Variants in TRPM3 observed in about 807,000 individuals in gnomAD.
TRPM3 encodes the protein long transient receptor potential channel 3.
In TRPM3, 77 loss-of-function variants were observed where a neutral mutation model predicts 181.2. The ratio of observed to expected loss-of-function variants is 0.42; its 90% CI spans 0.35 to 0.51. TRPM3 has a LOEUF of 0.51. Among genes scored for constraint, TRPM3 ranks in the 20% least tolerant of loss-of-function variants. The probability of loss-of-function intolerance (pLI) is 0.01; values close to 1 mark genes in which losing one functional copy is unlikely to be tolerated. For missense variants in TRPM3, 1,759 were observed against 2,196.7 expected (o/e 0.80, Z 3.98); for synonymous variants, 745 against 796.4 (o/e 0.94, Z 1.09).
At chr9:70,877,408 T>G (rs1326956287) in intron 1 of TRPM3, among the ~76,000 whole-genome samples, 1 of 152,062 alleles carries the variant, frequency 6.6e-6, no homozygotes, top group Non-Finnish European at 1.5e-5. Context: ...ACACAAATAT[T>G]CATAACCTGG....
chr9:70,887,383 T>C (rs1457845206), intron 1 of TRPM3, among the ~76,000 whole-genome samples: 1 of 152,178 alleles, frequency 6.6e-6, no homozygotes, highest in Non-Finnish European at 1.5e-5. Context: ...CACTATGTCA[T>C]TACTCATCTA....
chr9:70,607,225 C>CTT (rs2061321474), intron 19 of TRPM3, among the ~76,000 whole-genome samples: 1 of 152,146 alleles, frequency 6.6e-6, no homozygotes, highest in African/African-American at 2.4e-5. Flanking sequence ...CTTTCAGAAA[C>CTT]TTGGGAGAGT....
intron 1 of TRPM3, among the ~76,000 whole-genome samples, chr9:71,336,458 C>T (rs1193820615): frequency 2.0e-5 from 3 of 152,202 alleles, no homozygotes; most frequent in African/African-American, 7.2e-5. Context: ...AGAGAGGACA[C>T]AAACAAATGG....
intron 7 of TRPM3, among the ~76,000 whole-genome samples, chr9:70,764,520 A>G (rs2078730024): frequency 6.6e-6 from 1 of 152,156 alleles, no homozygotes; most frequent in Non-Finnish European, 1.5e-5. Flanking sequence ...AAAATTGAGG[A>G]ATGATGTGCA....
At chr9:70,973,797 AC>A in intron 1 of TRPM3, among the ~76,000 whole-genome samples, 1 of 152,364 alleles carries the variant, frequency 6.6e-6, no homozygotes, top group South Asian at 2.1e-4. Flanking sequence ...AAAAATTATA[AC>A]AAAGATTATA....
chr9:70,580,204 G>T (rs1404486234), intron 22 of TRPM3, among the ~76,000 whole-genome samples: 2 of 152,080 alleles, frequency 1.3e-5, no homozygotes, highest in Non-Finnish European at 2.9e-5. Flanking sequence ...ATATTTTCTA[G>T]CCATGATCTC....
intron 1 of TRPM3, among the ~76,000 whole-genome samples, chr9:70,951,313 T>C (rs537094904): frequency 6.6e-6 from 1 of 152,318 alleles, no homozygotes; most frequent in South Asian, 2.1e-4. Context: ...CAACATACAC[T>C]GTAAATCAGG....
chr9:71,412,200 T>C (rs931314421), intron 1 of TRPM3, among the ~76,000 whole-genome samples: 23 of 152,122 alleles, frequency 1.5e-4, no homozygotes, highest in Admixed American at 1.5e-3. Context: ...AAGGACTTCA[T>C]GACTAAAACA....
intron 1 of TRPM3, among the ~76,000 whole-genome samples, chr9:71,425,429 C>T (rs1218789707): frequency 6.6e-6 from 1 of 152,132 alleles, no homozygotes; most frequent in Non-Finnish European, 1.5e-5. Context: ...CACCCAGCTG[C>T]TTAAGTCAGA....
At chr9:70,918,300 A>T (rs933804813) in intron 1 of TRPM3, among the ~76,000 whole-genome samples, 5 of 152,226 alleles carry the variant, frequency 3.3e-5, no homozygotes, top group Non-Finnish European at 7.4e-5. Context: ...AGAACACTTC[A>T]TCCAATGGAT....
chr9:70,553,446 G>A, intron 22 of TRPM3, 136 bp from the exon 23 acceptor site: 1 of 1,128,780 alleles, frequency 8.9e-7, no homozygotes, highest in Non-Finnish European at 1.2e-6. Context: ...TTCCAAACAA[G>A]CCAAAATTGA....
intron 10 of TRPM3, among the ~76,000 whole-genome samples, chr9:70,640,333 CAT>C (rs2057864039): frequency 6.6e-6 from 1 of 152,162 alleles, no homozygotes; most frequent in South Asian, 2.1e-4. Context: ...AAAGACAACT[CAT>C]AGAGATGGAA....
chr9:70,958,898 G>C (rs964942911), intron 1 of TRPM3, among the ~76,000 whole-genome samples: 2 of 151,014 alleles, frequency 1.3e-5, no homozygotes, highest in Non-Finnish European at 2.9e-5. Context: ...GTAAACTATC[G>C]CAAGGACAAA....
chr9:70,610,811 G>C lies in TRPM3; in HGVS notation c.2527-62C>G, dbSNP rs540556501. ...CTCTGGAGAGCATGTTGTTCAATGT[G>C]CTTACTTTACAGATGAGGAAAGGAT... On this transcript the variant is annotated intron_variant, in intron 18 of 25. Coordinates refer to ENST00000677713, the MANE Select transcript of TRPM3 (RefSeq NM_001366145.2). The C allele has an allele frequency of 4.4e-6, 7 of 1,585,668 alleles. No individual in the cohort carries two copies. In the African/African-American group the frequency reaches 5.4e-5, roughly 12 times the overall value.
At chr9:71,298,741 T>C (rs1422832384) in intron 1 of TRPM3, among the ~76,000 whole-genome samples, 2 of 152,100 alleles carry the variant, frequency 1.3e-5, no homozygotes, top group Admixed American at 6.6e-5. Flanking sequence ...AATCTCTCTC[T>C]AGCTCAAAAC....
intron 8 of TRPM3, among the ~76,000 whole-genome samples, chr9:70,759,629 T>C (rs893397176): frequency 1.3e-5 from 2 of 152,206 alleles, no homozygotes; most frequent in Admixed American, 6.5e-5. Flanking sequence ...GTGGCACATA[T>C]ACACCATGGA....
At chr9:70,553,123 C>T in intron 23 of TRPM3, 37 bp downstream of exon 23, 1 of 1,614,014 alleles carries the variant, frequency 6.2e-7, no homozygotes. Context: ...CCCCTGCTGT[C>T]CTCATCCATC....
At chr9:70,659,293 G>C (rs991111019) in intron 9 of TRPM3, among the ~76,000 whole-genome samples, 1 of 152,050 alleles carries the variant, frequency 6.6e-6, no homozygotes, top group East Asian at 1.9e-4. Flanking sequence ...CCTTGTACAG[G>C]GTTCCTGACC....
chr9:70,660,989 A>C (rs2133926494), intron 9 of TRPM3, among the ~76,000 whole-genome samples: 1 of 152,236 alleles, frequency 6.6e-6, no homozygotes, highest in South Asian at 2.1e-4. Context: ...AAAAAAAGAA[A>C]ACTACAGACC....
Sources: gnomAD v4.1 joint callset for allele counts (sites outside exome capture counted in the v4.1 genomes callset) on GRCh38, gnomAD v4.1.1 for gene constraint, MANE v1.5 for transcripts, NCBI Gene and HGNC (gene_info 2026-07-23, HGNC 2026-07-21) for gene names.